Variants in TSHZ2 observed in about 807,000 individuals in gnomAD.
TSHZ2 encodes teashirt homolog 2.
Under a neutral mutation model 74.4 loss-of-function variants are expected in TSHZ2, and 21 were observed. The observed-to-expected ratio is 0.28, with a 90% confidence interval of 0.20 to 0.41. The LOEUF is 0.41. Ranked by LOEUF, TSHZ2 falls within the 10% of genes least tolerant of loss-of-function variation. The probability of loss-of-function intolerance (pLI) is 1.00; values close to 1 mark genes in which losing one functional copy is unlikely to be tolerated. For synonymous variants in TSHZ2, 540 were observed against 515.3 expected (o/e 1.05, Z -0.65); for missense variants, 1,244 against 1,293.5 (o/e 0.96, Z 0.59).
At chr20:53,264,192 A>G (rs1044364118) in intron 2 of TSHZ2, among the ~76,000 whole-genome samples, 1 of 152,196 alleles carries the variant, frequency 6.6e-6, no homozygotes, top group African/African-American at 2.4e-5. Flanking sequence ...GACCTATGGT[A>G]TTTGTCTAAT....
At chr20:53,223,365 G>A (rs6097311) in intron 1 of TSHZ2, among the ~76,000 whole-genome samples, 1 of 152,094 alleles carries the variant, frequency 6.6e-6, no homozygotes, top group African/African-American at 2.4e-5. Context: ...AGACTCAAAA[G>A]GTTACTTGCT....
chr20:53,016,782 G>A (rs118170415), intron 1 of TSHZ2, among the ~76,000 whole-genome samples: 2,231 of 152,206 alleles, frequency 0.015, 25 homozygotes, highest in Middle Eastern at 0.058. Context: ...TTCTATTCAC[G>A]CTACTCATCT....
intron 2 of TSHZ2, among the ~76,000 whole-genome samples, chr20:53,348,089 G>T (rs954994958): frequency 2.6e-5 from 4 of 152,062 alleles, no homozygotes; most frequent in Non-Finnish European, 4.4e-5. Flanking sequence ...TGTGTCTGGT[G>T]GTTCCTCAAT....
At chr20:53,457,470 G>A (rs1985146239) in intron 2 of TSHZ2, among the ~76,000 whole-genome samples, 1 of 121,742 alleles carries the variant, frequency 8.2e-6, no homozygotes, top group Admixed American at 8.7e-5. Context: ...TGAGACAATG[G>A]GGTTTTCTAG....
chr20:53,332,540 T>C (rs1979767628), intron 2 of TSHZ2, among the ~76,000 whole-genome samples: 1 of 151,912 alleles, frequency 6.6e-6, no homozygotes, highest in South Asian at 2.1e-4. Context: ...AAATGCAGAA[T>C]GGATTTTAAA....
chr20:53,249,099 C>A (rs1990267853), intron 1 of TSHZ2, among the ~76,000 whole-genome samples: 1 of 152,140 alleles, frequency 6.6e-6, no homozygotes, highest in African/African-American at 2.4e-5. Flanking sequence ...CCTCAGCCTC[C>A]CAAAATGCTG....
intron 1 of TSHZ2, among the ~76,000 whole-genome samples, chr20:53,099,899 G>A (rs1936960): frequency 0.3 from 46,138 of 152,024 alleles, 7,305 homozygotes; most frequent in East Asian, 0.42. Context: ...CTTATTTATT[G>A]TTATTACTTC....
intron 1 of TSHZ2, among the ~76,000 whole-genome samples, chr20:53,029,966 T>C (rs1302693919): frequency 2.6e-5 from 4 of 152,204 alleles, no homozygotes; most frequent in Non-Finnish European, 4.4e-5. Flanking sequence ...GTGAGCTGCA[T>C]GCTTCTGACT....
At chr20:53,119,790 T>C (rs922318023) in intron 1 of TSHZ2, among the ~76,000 whole-genome samples, 7 of 152,228 alleles carry the variant, frequency 4.6e-5, no homozygotes, top group Non-Finnish European at 5.9e-5. Flanking sequence ...TATATTTCCA[T>C]TGAATGGCAT....
intron 2 of TSHZ2, among the ~76,000 whole-genome samples, chr20:53,286,960 C>G (rs1167662113): frequency 6.6e-6 from 1 of 151,432 alleles, no homozygotes; most frequent in Non-Finnish European, 1.5e-5. Flanking sequence ...AGATGCCAGA[C>G]CAAGGATGCC....
chr20:53,161,036 G>T (rs117958305), intron 1 of TSHZ2, among the ~76,000 whole-genome samples: 61,489 of 148,056 alleles, frequency 0.42, 13,926 homozygotes, highest in African/African-American at 0.62. Context: ...AATGTTTGGG[G>T]TTTTTTGTTT....
intron 2 of TSHZ2, among the ~76,000 whole-genome samples, chr20:53,270,647 G>A (rs148149920): frequency 5.9e-4 from 87 of 146,484 alleles, no homozygotes; most frequent in African/African-American, 2.1e-3. Flanking sequence ...ATTTGAAGGA[G>A]AGAACAGATG....
chr20:53,296,859 G>A (rs1033989720), intron 2 of TSHZ2, among the ~76,000 whole-genome samples: 1 of 152,184 alleles, frequency 6.6e-6, no homozygotes, highest in African/African-American at 2.4e-5. Flanking sequence ...AATTTCTGCA[G>A]GTCTAGGGAC....
chr20:53,301,250 G>A (rs75131855), intron 2 of TSHZ2, among the ~76,000 whole-genome samples: 14,653 of 152,168 alleles, frequency 0.096, 751 homozygotes, highest in Middle Eastern at 0.12. Context: ...GAGCCACTGC[G>A]CCTAGCCCCC....
intron 2 of TSHZ2, among the ~76,000 whole-genome samples, chr20:53,299,411 T>C (rs1031994841): frequency 2.6e-5 from 4 of 152,238 alleles, no homozygotes; most frequent in Non-Finnish European, 5.9e-5. Flanking sequence ...TATTTTATTA[T>C]AATATGGGTA....
At chr20:53,102,404 AAAG>A (rs1361777694) in intron 1 of TSHZ2, among the ~76,000 whole-genome samples, 5 of 151,776 alleles carry the variant, frequency 3.3e-5, no homozygotes, top group African/African-American at 7.3e-5. Flanking sequence ...AACGAAAAAA[AAAG>A]AAAAGAAAGA....
intron 1 of TSHZ2, among the ~76,000 whole-genome samples, chr20:53,106,356 C>A (rs978253633): frequency 7.0e-6 from 1 of 142,664 alleles, no homozygotes; most frequent in African/African-American, 2.6e-5. Flanking sequence ...TGTCACTTAC[C>A]ATAAATTATT....
At chr20:53,288,482 G>A (rs1991213735) in intron 2 of TSHZ2, among the ~76,000 whole-genome samples, 1 of 151,610 alleles carries the variant, frequency 6.6e-6, no homozygotes, top group African/African-American at 2.4e-5. Flanking sequence ...TTTGTTAATA[G>A]AAGTCTAGTT....
At chr20:53,235,019 C>A (rs1017151019) in intron 1 of TSHZ2, among the ~76,000 whole-genome samples, 24 of 151,252 alleles carry the variant, frequency 1.6e-4, no homozygotes, top group African/African-American at 5.6e-4. Flanking sequence ...CCAGTTGAGA[C>A]CATTGTTCAC....
Sources: allele counts gnomAD v4.1 joint callset (sites outside exome capture counted in the v4.1 genomes callset), GRCh38; gene constraint gnomAD v4.1.1; transcripts MANE v1.5; gene names NCBI Gene and HGNC (gene_info 2026-07-23, HGNC 2026-07-21).